UGT3A2: variants seen among roughly 807,000 people sequenced by gnomAD.
The protein encoded by UGT3A2 is UDP glycosyltransferase family 3 member A2, also known as UDP-glycosyltransferase 3A2.
In UGT3A2, 32 loss-of-function variants were observed where a neutral mutation model predicts 39.8. The observed-to-expected ratio is 0.80, with a 90% confidence interval of 0.61 to 1.08. The LOEUF is 1.08. UGT3A2 is among the 50% of genes least tolerant of loss of function. UGT3A2 has a pLI of 0.00. For missense variants in UGT3A2, 611 were observed against 637.1 expected (o/e 0.96, Z 0.44); for synonymous variants, 241 against 230.7 (o/e 1.04, Z -0.40).
chr5:36,061,602 G>C, intron 2 of UGT3A2, among the ~76,000 whole-genome samples: 1 of 150,392 alleles, frequency 6.6e-6, no homozygotes, highest in Non-Finnish European at 1.5e-5. Flanking sequence ...AGTATTCCAT[G>C]GTGTATATGT....
At chr5:36,057,807 T>C (rs368578142) in intron 2 of UGT3A2, among the ~76,000 whole-genome samples, 10 of 152,302 alleles carry the variant, frequency 6.6e-5, no homozygotes, top group African/African-American at 2.4e-4. Context: ...CCCAAAGTGC[T>C]GGGATTACAA....
intron 2 of UGT3A2, among the ~76,000 whole-genome samples, chr5:36,052,530 T>C (rs1412982571): frequency 1.3e-5 from 2 of 152,016 alleles, no homozygotes; most frequent in Non-Finnish European, 2.9e-5. Flanking sequence ...CCCAACCCCA[T>C]GCTTCATCTG....
At chr5:36,044,583 A>G (rs1742110171) in intron 4 of UGT3A2, among the ~76,000 whole-genome samples, 1 of 152,318 alleles carries the variant, frequency 6.6e-6, no homozygotes, top group African/African-American at 2.4e-5. Context: ...GGAAAAACCT[A>G]AAGACTCTAC....
intron 2 of UGT3A2, among the ~76,000 whole-genome samples, chr5:36,056,720 A>G (rs1478831069): frequency 6.6e-6 from 1 of 152,234 alleles, no homozygotes; most frequent in Non-Finnish European, 1.5e-5. Flanking sequence ...CTTTCCTGAC[A>G]TTGAATTCCC....
chr5:36,048,884 C>A lies in UGT3A2; in HGVS notation c.843+5G>T. 1 of 1,611,690 alleles carries A rather than the reference C, an allele frequency of 6.2e-7. No individual in the cohort carries two copies. Among genetic ancestry groups the A allele is most frequent in the South Asian group, 1.1e-5 (1 of 90,906 alleles). On this transcript the variant is annotated splice_donor_5th_base_variant and intron_variant, in intron 4 of 6. Transcript: ENST00000282507. ...TCCCAAACTGAATGCTGAGGGTTCA[C>A]TTACTTGTGGTACTGGTTTAATAGG...
chr5:36,040,576 G>C (rs993667402), intron 4 of UGT3A2, among the ~76,000 whole-genome samples: 2 of 152,204 alleles, frequency 1.3e-5, no homozygotes, highest in Non-Finnish European at 2.9e-5. Context: ...GTGGAAGTCA[G>C]TGCTCTGCAG....
chr5:36,051,807 C>T, intron 3 of UGT3A2, 63 bp downstream of exon 3: 4 of 1,176,764 alleles, frequency 3.4e-6, no homozygotes, highest in Non-Finnish European at 4.9e-6. Context: ...TCCATGCATC[C>T]ATCCATCCAT....
chr5:36,038,875 G>A (rs1741915628), intron 5 of UGT3A2, among the ~76,000 whole-genome samples: 1 of 152,172 alleles, frequency 6.6e-6, no homozygotes, highest in South Asian at 2.1e-4. Context: ...TGGGGGTGAG[G>A]GAGCTCTCTG....
At chr5:36,046,867 T>A (rs1216456196) in intron 4 of UGT3A2, among the ~76,000 whole-genome samples, 1 of 152,176 alleles carries the variant, frequency 6.6e-6, no homozygotes, top group Non-Finnish European at 1.5e-5. Flanking sequence ...ACAGCTTATA[T>A]CTTAAAGTCC....
intron 2 of UGT3A2, among the ~76,000 whole-genome samples, chr5:36,054,647 G>A (rs1742449821): frequency 6.6e-6 from 1 of 151,632 alleles, no homozygotes; most frequent in Non-Finnish European, 1.5e-5. Flanking sequence ...ACAGGCATAG[G>A]ATACCAATTA....
rs765466642 is a variant in UGT3A2 at position 36,049,195 on chromosome 5, G to A, written c.537C>T (p.Ile179=). Residue 179 remains isoleucine (I), a synonymous_variant, in exon 4 of 7, where the codon ATC becomes ATT. Coordinates refer to ENST00000282507, the MANE Select transcript of UGT3A2 (RefSeq NM_174914.4). ...SFGSLEFGLP[I]PLSYVPVFRS... is the part of the protein sequence containing the mutation. ...GGAATACTGGAACATAAGACAAGGG[G>A]ATTGGTAGCCCAAATTCCAAAGAGC... 6 of 1,614,052 alleles carry A rather than the reference G, an allele frequency of 3.7e-6. No individual in the cohort carries two copies. In the African/African-American group the frequency reaches 4.0e-5, roughly 11 times the overall value.
intron 4 of UGT3A2, among the ~76,000 whole-genome samples, chr5:36,046,603 G>T (rs976602263): frequency 3.3e-5 from 5 of 152,164 alleles, no homozygotes; most frequent in Admixed American, 2.0e-4. Context: ...GTTACCAGAC[G>T]CTGGGATGGG....
At chr5:36,040,024 T>C (rs1267562958) in intron 4 of UGT3A2, among the ~76,000 whole-genome samples, 1 of 152,080 alleles carries the variant, frequency 6.6e-6, no homozygotes, top group African/African-American at 2.4e-5. Context: ...AGAGTACTAG[T>C]AGGTGGCCAG....
chr5:36,039,457 C>A lies in UGT3A2; in HGVS notation c.1075+20G>T, dbSNP rs756890050. On this transcript the variant is annotated intron_variant, in intron 5 of 6. Transcript: ENST00000282507. ...AGACAGGTCAGTGGAAGGAGAGGAG[C>A]AGTCCTGGGCAGCCCTTACCCAGGA... 3.4e-5 allele frequency: 55 copies of A among 1,608,056 alleles called. No individual in the cohort carries two copies. The highest frequency in any genetic ancestry group is 4.7e-5 in the Non-Finnish European group (55 of 1,175,418).
In UGT3A2 at chr5:36,039,573, C is replaced by G; in HGVS notation, c.979G>C (p.Val327Leu). 1 of 1,614,182 alleles carries G rather than the reference C, an allele frequency of 6.2e-7. No individual in the cohort carries two copies. Among genetic ancestry groups the G allele is most frequent in the Non-Finnish European group, 8.5e-7 (1 of 1,180,042 alleles). Residue 327 changes from valine to leucine, a missense_variant, in exon 5 of 7, where the codon GTG (valine) becomes CTG (leucine). Physicochemically the swap from Val to Leu is conservative, Grantham distance 32. Transcript: ENST00000282507. ...TGAGAACACTGACACTTCCATATCA[C>G]CCCTTGGGGTAGGTGAGCAAAGGCA... ...NNAFAHLPQG[V>L]IWKCQCSHWP...
intron 1 of UGT3A2, 35 bp downstream of exon 1, chr5:36,066,661 G>A (rs781626981): frequency 1.2e-6 from 2 of 1,613,118 alleles, no homozygotes; most frequent in Middle Eastern, 1.7e-4. Flanking sequence ...TATCCGGGAC[G>A]CGCCTGTCTG....
rs1358815432 is a variant in UGT3A2, at chr5:36,037,786, G to T, written c.1295+11C>A. The T allele has an allele frequency of 2.5e-6, 4 of 1,613,910 alleles. No homozygotes were observed. The South Asian group carries it at 3.3e-5, about 13-fold the overall frequency. On this transcript the variant is annotated intron_variant, in intron 6 of 6. Coordinates refer to ENST00000282507, the MANE Select transcript of UGT3A2 (RefSeq NM_174914.4). ...TCGTCATTATGACCACAACCCCAAGGAGCTGCATACCTCTTGTCTTCCATG... is the reference window on the plus strand; with the variant it reads ...TCGTCATTATGACCACAACCCCAAGTAGCTGCATACCTCTTGTCTTCCATG...
At position 36,035,827 on chromosome 5, in the gene UGT3A2, A is replaced by T; in HGVS notation, c.1443T>A (p.His481Gln). 6.2e-7 allele frequency: 1 copy of T among 1,614,224 alleles called. No individual in the cohort carries two copies. The highest frequency in any genetic ancestry group is 8.5e-7 in the Non-Finnish European group (1 of 1,180,048). Reference protein sequence around the residue: ...LKPYVFQQPWHEQYLLDVFVF... With the variant: ...LKPYVFQQPWQEQYLLDVFVF... ...CAAAAACGTCGAGCAGGTACTGCTC[A>T]TGCCAGGGCTGCTGAAAGACATAGG... The change falls in exon 7 of 7, where the codon CAT (histidine) becomes CAA (glutamine). Residue 481 changes from histidine (H) to glutamine (Q), a missense_variant. Transcript: ENST00000282507.
intron 2 of UGT3A2, among the ~76,000 whole-genome samples, chr5:36,061,111 G>T (rs1022227846): frequency 6.6e-5 from 10 of 152,160 alleles, no homozygotes. Context: ...AACGGAGGTT[G>T]CAGTGAGCCA....
Sources: gnomAD v4.1 joint callset for allele counts (sites outside exome capture counted in the v4.1 genomes callset) on GRCh38, gnomAD v4.1.1 for gene constraint, MANE v1.5 for transcripts, NCBI Gene and HGNC (gene_info 2026-07-23, HGNC 2026-07-21) for gene names.